Variants in ETV1 observed in about 807,000 individuals in gnomAD.
ETV1 encodes the protein ETS variant transcription factor 1.
ETV1 carries 27 observed loss-of-function variants against 62.3 expected under a neutral mutation model. The observed-to-expected ratio is 0.43, with a 90% CI of 0.32 to 0.60. The LOEUF (loss-of-function observed/expected upper bound fraction) is 0.60, where lower values mean the gene tolerates loss of function less well. ETV1 is among the 20% of genes least tolerant of loss of function. The probability of loss-of-function intolerance (pLI) is 0.06; values close to 1 mark genes in which losing one functional copy is unlikely to be tolerated. For missense variants in ETV1, 605 were observed against 605.8 expected (o/e 1.00, Z 0.01); for synonymous variants, 222 against 199.6 (o/e 1.11, Z -0.94).
At chr7:13,939,730 C>G (rs375636831) in intron 6 of ETV1, among the ~76,000 whole-genome samples, 2 of 152,208 alleles carry the variant, frequency 1.3e-5, no homozygotes, top group East Asian at 3.9e-4. Flanking sequence ...AAAATCCAGG[C>G]GCAGGTCCAG....
In ETV1 at chr7:13,893,425, T is replaced by C. The variant is rs1329383579; in HGVS notation, c.*2441A>G. ...ATTTTCAACCCTTCTGTATTGGAAA[T>C]ACACTTAATGTTGGTCAATTATGTA... is the stretch of plus-strand genomic sequence containing the variant. On this transcript the variant is annotated 3_prime_UTR_variant, in exon 14 of 14. Coordinates refer to ENST00000430479, the MANE Select transcript of ETV1 (RefSeq NM_004956.5). The C allele has an allele frequency of 8.7e-6, 2 of 230,464 alleles. No homozygotes were observed. Among genetic ancestry groups the C allele is most frequent in the Non-Finnish European group, 1.7e-5 (2 of 116,506 alleles). 14.3% of individuals were successfully genotyped at this position (230,464 alleles called of 1,614,324 possible).
At chr7:13,929,220 C>T (rs1785797977) in intron 9 of ETV1, among the ~76,000 whole-genome samples, 1 of 152,112 alleles carries the variant, frequency 6.6e-6, no homozygotes, top group African/African-American at 2.4e-5. Context: ...TAATTAGAGA[C>T]ACCAGTGGAC....
upstream of ETV1, among the ~76,000 whole-genome samples, chr7:13,990,227 T>G (rs572722985): frequency 6.6e-6 from 1 of 152,294 alleles, no homozygotes; most frequent in African/African-American, 2.4e-5. Flanking sequence ...CATTATGGTT[T>G]ATCGAAACAT....
chr7:13,973,265 TGA>T (rs1177518778), intron 6 of ETV1, among the ~76,000 whole-genome samples: 2 of 152,206 alleles, frequency 1.3e-5, no homozygotes, highest in African/African-American at 4.8e-5. Context: ...CTGATTTCAT[TGA>T]GGTATGCAAG....
chr7:13,968,800 C>A (rs1216058137), intron 6 of ETV1, among the ~76,000 whole-genome samples: 1 of 151,876 alleles, frequency 6.6e-6, no homozygotes, highest in Non-Finnish European at 1.5e-5. Context: ...TGTCAACTTA[C>A]AGATAAGTAA....
intron 11 of ETV1, among the ~76,000 whole-genome samples, chr7:13,906,888 T>A (rs1199504435): frequency 6.6e-6 from 1 of 150,834 alleles, no homozygotes; most frequent in African/African-American, 2.5e-5. Flanking sequence ...TGTGGAACTA[T>A]CTTTTTTTTT....
intron 8 of ETV1, among the ~76,000 whole-genome samples, chr7:13,932,596 T>C (rs528521005): frequency 3.9e-5 from 6 of 152,314 alleles, no homozygotes; most frequent in African/African-American, 1.4e-4. Context: ...CCTATGCCTC[T>C]TTGTTCTTGG....
rs117660440 is a variant in ETV1, at chr7:13,958,272, C to G, written c.236-19026G>C. 4.0e-3 allele frequency among the ~76,000 whole-genome samples: 604 copies of G among 152,274 alleles called. 2 individuals are homozygous for G. The highest frequency in any genetic ancestry group is 6.2e-3 in the Non-Finnish European group (422 of 68,024). ...ACGACATTTTCATTCTCAGAAATTT[C>G]CAGGTTGGCCCATTTGTTGTTGTTC... On this transcript the variant is annotated intron_variant, in intron 6 of 13. Transcript: ENST00000430479.
In ETV1 at chr7:13,970,287, C is replaced by A. The variant is rs1278813887; in HGVS notation, c.235+7140G>T. Among the ~76,000 whole-genome samples, 113 of 115,922 alleles carry A rather than the reference C, an allele frequency of 9.7e-4. 2 individuals carry two copies. Among genetic ancestry groups the A allele is most frequent in the African/African-American group, 3.1e-3 (107 of 34,792 alleles). 76.0% of individuals were successfully genotyped at this position (115,922 alleles called of 152,430 possible). ...AAACACACACACACACACACACACA[C>A]ACACACACACACACACACACACACA... On this transcript the variant is annotated intron_variant, in intron 6 of 13. Transcript: ENST00000430479.
At chr7:13,896,655 GAAGA>G (rs1032016624) in intron 13 of ETV1, among the ~76,000 whole-genome samples, 3 of 72,394 alleles carry the variant, frequency 4.1e-5, no homozygotes, top group African/African-American at 1.9e-4. Flanking sequence ...TGTGTTGAAA[GAAGA>G]AAGAAAGGAA....
intron 10 of ETV1, among the ~76,000 whole-genome samples, chr7:13,910,712 CTTT>C (rs1486076503): frequency 1.3e-5 from 2 of 152,164 alleles, no homozygotes; most frequent in East Asian, 3.9e-4. Context: ...TATCAAAGTC[CTTT>C]ACAGGCAAAG....
At chr7:13,981,312 C>G (rs1781962104) in intron 5 of ETV1, among the ~76,000 whole-genome samples, 1 of 152,014 alleles carries the variant, frequency 6.6e-6, no homozygotes, top group South Asian at 2.1e-4. Flanking sequence ...GGAGTTCTGC[C>G]TCCATTCACA....
At chr7:13,910,354 G>A (rs1783440567) in intron 10 of ETV1, among the ~76,000 whole-genome samples, 2 of 148,014 alleles carry the variant, frequency 1.4e-5, no homozygotes, top group Middle Eastern at 7.4e-3. Flanking sequence ...GTTGCTATCT[G>A]TGATTACCAG....
chr7:13,974,320 A>C (rs952211007), intron 6 of ETV1, among the ~76,000 whole-genome samples: 4 of 152,254 alleles, frequency 2.6e-5, no homozygotes, highest in Non-Finnish European at 5.9e-5. Context: ...GCTAAAGTAC[A>C]GAGGAAAGGA....
rs767860162 is a variant in ETV1 at position 13,895,989 on chromosome 7, G to A, written c.1311C>T (p.Asp437=). The A allele has an allele frequency of 3.1e-6, 5 of 1,613,586 alleles. No individual in the cohort carries two copies. Among genetic ancestry groups the A allele is most frequent in the African/African-American group, 1.3e-5 (1 of 74,906 alleles). The change falls in exon 14 of 14, where the codon GAC becomes GAT. Residue 437 remains aspartate (D), a synonymous_variant. Coordinates refer to ENST00000430479, the MANE Select transcript of ETV1 (RefSeq NM_004956.5). ...PDNQRPLLKT[D]MERHINEEDT... ...CCTCCTCGTTGATGTGACGTTCCAT[G>A]TCTGTCTTCAGCAGTGGACGCTGAT...
intron 6 of ETV1, among the ~76,000 whole-genome samples, chr7:13,957,168 T>C (rs1234383318): frequency 1.3e-5 from 2 of 151,996 alleles, no homozygotes; most frequent in South Asian, 2.1e-4. Flanking sequence ...TCACTCCAAG[T>C]TCCGCCTCCC....
intron 12 of ETV1, among the ~76,000 whole-genome samples, chr7:13,902,270 G>GT (rs920167455): frequency 7.6e-4 from 113 of 148,242 alleles, no homozygotes; most frequent in African/African-American, 2.0e-3. Context: ...CTTTCTCCAG[G>GT]TTTTTTTTTT....
At chr7:13,970,682 A>C (rs1019794213) in intron 6 of ETV1, among the ~76,000 whole-genome samples, 1 of 152,182 alleles carries the variant, frequency 6.6e-6, no homozygotes, top group Non-Finnish European at 1.5e-5. Context: ...TTTCAAAATT[A>C]GTAATAAAAA....
At chr7:13,955,777 G>T (rs944986749) in intron 6 of ETV1, among the ~76,000 whole-genome samples, 12 of 152,126 alleles carry the variant, frequency 7.9e-5, no homozygotes, top group Non-Finnish European at 1.3e-4. Context: ...TTGGAATGAA[G>T]AATTTTTGAA....
Sources: gnomAD v4.1 joint callset for allele counts (sites outside exome capture counted in the v4.1 genomes callset) on GRCh38, gnomAD v4.1.1 for gene constraint, MANE v1.5 for transcripts, NCBI Gene and HGNC (gene_info 2026-07-23, HGNC 2026-07-21) for gene names.